The following NEK10 variants were observed in gnomAD, a reference collection of about 807,000 sequenced individuals.
NEK10 encodes the protein NIMA related kinase 10.
Under a neutral mutation model 159.8 loss-of-function variants are expected in NEK10, and 122 were observed. The observed-to-expected ratio is 0.76, with a 90% CI of 0.66 to 0.89. The LOEUF is 0.89. Among genes scored for constraint, NEK10 ranks in the 40% least tolerant of loss-of-function variants. The pLI, the probability that NEK10 is intolerant of heterozygous loss-of-function variation, is 0.00. For missense variants in NEK10, 1,342 were observed against 1,323.1 expected (o/e 1.01, Z -0.22); for synonymous variants, 466 against 457.1 (o/e 1.02, Z -0.25).
chr3:27,117,204 C>T (rs1359392701), intron 33 of NEK10, among the ~76,000 whole-genome samples: 1 of 152,196 alleles, frequency 6.6e-6, no homozygotes, highest in East Asian at 1.9e-4. Flanking sequence ...ATGTGTACCA[C>T]ATTTTCTTTA....
Position 27,311,196 on chromosome 3 carries a change from A to G in NEK10, c.569-180T>C, listed in dbSNP as rs147174822. 309 of 472,250 alleles carry G rather than the reference A, an allele frequency of 6.5e-4. 1 individual carries two copies. The highest frequency in any genetic ancestry group is 5.5e-3 in the African/African-American group (273 of 50,010). 29.3% of individuals were successfully genotyped at this position (472,250 alleles called of 1,614,324 possible). A position where few individuals can be genotyped will look rare whatever the true frequency, so the allele number is the denominator to read the frequency against. On this transcript the variant is annotated intron_variant, in intron 8 of 35. Transcript: ENST00000691995. ...TTTTTACCCCAAGAATTACTCCTCA[A>G]GCTCCACTGGTATTTATTTTCTAAT...
chr3:27,270,968 T>C (rs569637508), intron 22 of NEK10, among the ~76,000 whole-genome samples: 1 of 152,312 alleles, frequency 6.6e-6, no homozygotes, highest in African/African-American at 2.4e-5. Context: ...TATGTATTTA[T>C]TTAGTATTTT....
At chr3:27,317,074 T>C (rs914491460) in intron 6 of NEK10, among the ~76,000 whole-genome samples, 1 of 152,202 alleles carries the variant, frequency 6.6e-6, no homozygotes, top group African/African-American at 2.4e-5. Context: ...TACTCCCTCT[T>C]AGAGAATTTT....
At chr3:27,201,405 G>A in intron 25 of NEK10, 105 bp downstream of exon 25, 1 of 931,536 alleles carries the variant, frequency 1.1e-6, no homozygotes, top group Non-Finnish European at 1.7e-6. Flanking sequence ...GGATTATGTA[G>A]GGACTCTTTC....
chr3:27,115,790 T>C, intron 35 of NEK10, 150 bp downstream of exon 35: 1 of 612,388 alleles, frequency 1.6e-6, no homozygotes. Context: ...TACTTATAGA[T>C]GTATCTAGTC....
At chr3:27,354,910 G>A (rs2048225363) in intron 1 of NEK10, among the ~76,000 whole-genome samples, 1 of 152,162 alleles carries the variant, frequency 6.6e-6, no homozygotes, top group East Asian at 1.9e-4. Flanking sequence ...CCTCTCTTGT[G>A]GTAGTGACTC....
chr3:27,185,537 C>T (rs979734931), intron 26 of NEK10, among the ~76,000 whole-genome samples: 1 of 152,172 alleles, frequency 6.6e-6, no homozygotes, highest in Non-Finnish European at 1.5e-5. Context: ...AGCTTCAGCC[C>T]ATGACCAAGA....
chr3:27,124,897 A>G (rs891683489), intron 32 of NEK10, among the ~76,000 whole-genome samples: 4 of 152,152 alleles, frequency 2.6e-5, no homozygotes, highest in South Asian at 2.1e-4. Flanking sequence ...CAGTAGTCCA[A>G]TGCAAGTGCT....
chr3:27,269,529 A>G (rs1418103047), intron 22 of NEK10, among the ~76,000 whole-genome samples: 1 of 152,228 alleles, frequency 6.6e-6, no homozygotes, highest in Non-Finnish European at 1.5e-5. Context: ...TTAGCAACGA[A>G]TTATGTTTTA....
chr3:27,132,379 C>T (rs1399919586), intron 31 of NEK10, among the ~76,000 whole-genome samples: 1 of 152,172 alleles, frequency 6.6e-6, no homozygotes, highest in African/African-American at 2.4e-5. Flanking sequence ...AACACTGTAG[C>T]CTTGGTACTA....
intron 23 of NEK10, among the ~76,000 whole-genome samples, chr3:27,254,168 A>G (rs1356065037): frequency 6.6e-6 from 1 of 152,206 alleles, no homozygotes; most frequent in South Asian, 2.1e-4. Flanking sequence ...CTTTTTTAAA[A>G]CATTATGAGA....
intron 23 of NEK10, among the ~76,000 whole-genome samples, chr3:27,219,063 G>C (rs1241303970): frequency 6.6e-6 from 1 of 152,154 alleles, no homozygotes. Flanking sequence ...ATTTATAATT[G>C]TTCATTCTTT....
At chr3:27,246,815 A>C (rs1396545009) in intron 23 of NEK10, among the ~76,000 whole-genome samples, 1 of 151,786 alleles carries the variant, frequency 6.6e-6, no homozygotes, top group Admixed American at 6.6e-5. Context: ...CCCATATTTC[A>C]CTTCTTCGGT....
At chr3:27,299,613 GGA>G (rs1281892351) in intron 13 of NEK10, among the ~76,000 whole-genome samples, 1 of 152,162 alleles carries the variant, frequency 6.6e-6, no homozygotes, top group Non-Finnish European at 1.5e-5. Flanking sequence ...CAGTGTACCT[GGA>G]AAAGCCAAAG....
At position 27,108,094 on chromosome 3, in the gene NEK10, T is replaced by C. The variant is rs1301789836; in HGVS notation, c.*3178A>G. 1.3e-5 allele frequency among the ~76,000 whole-genome samples: 2 copies of C among 152,194 alleles called. No homozygotes were observed. The highest frequency in any genetic ancestry group is 1.5e-5 in the Non-Finnish European group (1 of 68,028). On this transcript the variant is annotated 3_prime_UTR_variant, in exon 36 of 36. Transcript: ENST00000691995. ...TCAGACCTGTATTTGTTTTTGGACATCAAAATTCATAGTATTTAATGAGTC... is the reference window on the plus strand; with the variant it reads ...TCAGACCTGTATTTGTTTTTGGACACCAAAATTCATAGTATTTAATGAGTC...
intron 1 of NEK10, among the ~76,000 whole-genome samples, chr3:27,365,494 T>C (rs962123563): frequency 2.0e-5 from 3 of 152,050 alleles, no homozygotes; most frequent in Admixed American, 6.6e-5. Context: ...TTAGCTGAGA[T>C]GAGGGGAGTT....
chr3:27,232,941 C>G (rs903395642), intron 23 of NEK10, among the ~76,000 whole-genome samples: 2 of 151,178 alleles, frequency 1.3e-5, no homozygotes, highest in Non-Finnish European at 3.0e-5. Flanking sequence ...AAATCTAACA[C>G]CTGAATCAGA....
intron 1 of NEK10, among the ~76,000 whole-genome samples, chr3:27,367,770 A>G (rs747315322): frequency 1.3e-5 from 2 of 152,184 alleles, no homozygotes; most frequent in Non-Finnish European, 2.9e-5. Flanking sequence ...ACATACAGAA[A>G]ATGATTGGGG....
At position 27,290,682 on chromosome 3, in the gene NEK10, C is replaced by G; in HGVS notation, c.1678G>C (p.Asp560His). Residue 560 changes from aspartate (D) to histidine (H), a missense_variant, in exon 19 of 36, where the codon GAT becomes CAT. By Grantham distance (81) the Asp-to-His change is moderately conservative. Transcript: ENST00000691995. ...ACGCTGCTGTCTCGATCTTTCTTAT[C>G]CTTTCCAAATGCTGGGTTATGTAAA... is the stretch of plus-strand genomic sequence containing the variant. Reference protein sequence around the residue: ...VNLHNPAFGKDKKDRDSSVRN... With the variant: ...VNLHNPAFGKHKKDRDSSVRN... 6.2e-7 allele frequency: 1 copy of G among 1,608,598 alleles called. No individual in the cohort carries two copies. The highest frequency in any genetic ancestry group is 8.5e-7 in the Non-Finnish European group (1 of 1,175,632).
Sources: gnomAD v4.1 joint callset for allele counts (sites outside exome capture counted in the v4.1 genomes callset) on GRCh38, gnomAD v4.1.1 for gene constraint, MANE v1.5 for transcripts, NCBI Gene and HGNC (gene_info 2026-07-23, HGNC 2026-07-21) for gene names.